The following TRAPPC3L variants were observed in gnomAD, a reference collection of about 807,000 sequenced individuals.
The protein encoded by TRAPPC3L is trafficking protein particle complex subunit 3L, also known as trafficking protein particle complex subunit 3-like protein.
TRAPPC3L carries 23 observed loss-of-function variants against 23.7 expected under a neutral mutation model. The observed-to-expected ratio is 0.97, with a 90% confidence interval of 0.70 to 1.37. The LOEUF is 1.37. TRAPPC3L is among the 40% of genes most tolerant of loss of function. TRAPPC3L has a pLI of 0.00. For synonymous variants in TRAPPC3L, 81 were observed against 77.9 expected, an observed-to-expected ratio of 1.04 and a Z score of -0.21; for missense variants, 212 against 216.8, an observed-to-expected ratio of 0.98 and a Z score of 0.14.
At chr6:116,533,661 T>A (rs574381349) in intron 3 of TRAPPC3L, among the ~76,000 whole-genome samples, 2 of 152,378 alleles carry the variant, frequency 1.3e-5, no homozygotes, top group Admixed American at 1.3e-4. Context: ...TGCTGTTCAA[T>A]GCCCTACTTG....
Position 116,495,889 on chromosome 6 carries a change from T to A in TRAPPC3L, c.*1065A>T, listed in dbSNP as rs956989843. On this transcript the variant is annotated 3_prime_UTR_variant, in exon 5 of 5. Transcript: ENST00000368602. ...GATTATTAATTTTAATTTTTTCCTA[T>A]GGAGTTGGTTGAACTCCTTATATAT... is the stretch of plus-strand genomic sequence containing the variant. The A allele has an allele frequency of 6.6e-6, 1 of 152,240 alleles. No individual in the cohort carries two copies. Among genetic ancestry groups the A allele is most frequent in the Admixed American group, 6.5e-5 (1 of 15,280 alleles). 9.4% of individuals were successfully genotyped at this position (152,240 alleles called of 1,614,324 possible).
At chr6:116,543,432 G>T (rs1205100987) in intron 1 of TRAPPC3L, 32 bp from the exon 2 acceptor site, 2 of 1,502,716 alleles carry the variant, frequency 1.3e-6, no homozygotes, top group African/African-American at 1.4e-5. Context: ...CTGGTTATAG[G>T]CAAGTTATGA....
At chr6:116,539,268 G>C (rs763326759) in intron 3 of TRAPPC3L, among the ~76,000 whole-genome samples, 39 of 151,866 alleles carry the variant, frequency 2.6e-4, no homozygotes, top group Non-Finnish European at 4.3e-4. Flanking sequence ...CTTATATTCT[G>C]ACAATATAAA....
intron 3 of TRAPPC3L, among the ~76,000 whole-genome samples, chr6:116,507,004 AG>A (rs1284640075): frequency 6.6e-6 from 1 of 152,226 alleles, no homozygotes; most frequent in African/African-American, 2.4e-5. Context: ...TAGAACTTAA[AG>A]TATAAAAATA....
chr6:116,528,014 T>A (rs1407014392), intron 3 of TRAPPC3L, among the ~76,000 whole-genome samples: 1 of 152,184 alleles, frequency 6.6e-6, no homozygotes, highest in African/African-American at 2.4e-5. Flanking sequence ...AAAAATGACA[T>A]CTACATGCAG....
At chr6:116,542,479 T>C (rs1487057539) in intron 2 of TRAPPC3L, among the ~76,000 whole-genome samples, 1 of 152,160 alleles carries the variant, frequency 6.6e-6, no homozygotes, top group Non-Finnish European at 1.5e-5. Context: ...TTAGGCTAAA[T>C]TTCCCCTTCA....
At chr6:116,527,025 T>C (rs930758826) in intron 3 of TRAPPC3L, among the ~76,000 whole-genome samples, 5 of 152,058 alleles carry the variant, frequency 3.3e-5, no homozygotes, top group African/African-American at 1.2e-4. Context: ...GTGAAGGATA[T>C]CCTCCCTGTA....
intron 3 of TRAPPC3L, chr6:116,515,985 T>A (rs765921228): frequency 6.3e-7 from 1 of 1,587,440 alleles, no homozygotes; most frequent in East Asian, 2.3e-5. Flanking sequence ...GCCCACAATA[T>A]GTAGCTCATC....
chr6:116,518,406 A>G (rs1562341513), intron 3 of TRAPPC3L: 2 of 152,340 alleles, frequency 1.3e-5, no homozygotes, highest in Non-Finnish European at 2.9e-5. Flanking sequence ...CAATAAAAAA[A>G]GGTTTGTTTT....
Position 116,540,378 on chromosome 6 carries a change from T to C in TRAPPC3L, c.225A>G (p.Ile75Met). 1 of 1,551,150 alleles carries C rather than the reference T, an allele frequency of 6.4e-7. No individual in the cohort carries two copies. Among genetic ancestry groups the C allele is most frequent in the Non-Finnish European group, 8.7e-7 (1 of 1,146,650 alleles). Reference sequence around the variant, plus strand: ...ACATAGTTACCTGGGCAATTATGTCTATAATTTCTGAATAACTATGGCATC... The same window carrying C: ...ACATAGTTACCTGGGCAATTATGTCCATAATTTCTGAATAACTATGGCATC... ...VGRCHSYSEI[I>M]DIIAQVAFKM... The change falls in exon 3 of 5, where the codon ATA becomes ATG. Residue 75 changes from isoleucine (I) to methionine (M), a missense_variant. Ile to Met is a conservative substitution (Grantham distance 10). Coordinates refer to ENST00000368602, the MANE Select transcript of TRAPPC3L (RefSeq NM_001139444.3).
chr6:116,506,968 A>G (rs2115159777), intron 3 of TRAPPC3L, among the ~76,000 whole-genome samples: 1 of 152,340 alleles, frequency 6.6e-6, no homozygotes, highest in East Asian at 1.9e-4. Context: ...CTATGTAACA[A>G]ACCTGCACGT....
intron 4 of TRAPPC3L, among the ~76,000 whole-genome samples, chr6:116,500,035 T>C (rs567666662): frequency 3.9e-4 from 59 of 152,338 alleles, no homozygotes; most frequent in African/African-American, 1.4e-3. Flanking sequence ...CCCTCCTACA[T>C]GGCACCAGGG....
At position 116,541,254 on chromosome 6, in the gene TRAPPC3L, A is replaced by C. The variant is rs187795212; in HGVS notation, c.141-792T>G. On this transcript the variant is annotated intron_variant, in intron 2 of 4. Transcript: ENST00000368602. ...TAGATTTCCCAGAAGGATACAAAGA[A>C]AGGTCAGAATCTCTATCTTATAAGA... Among the ~76,000 whole-genome samples, 470 of 152,328 alleles carry C rather than the reference A, an allele frequency of 3.1e-3. 12 individuals carry two copies. Among genetic ancestry groups the C allele is most frequent in the Admixed American group, 0.023 (346 of 15,294 alleles).
intron 3 of TRAPPC3L, among the ~76,000 whole-genome samples, chr6:116,509,826 G>C (rs1321923832): frequency 6.6e-6 from 1 of 151,950 alleles, no homozygotes; most frequent in African/African-American, 2.4e-5. Flanking sequence ...ATAAATAAAT[G>C]GGACCTAATT....
At chr6:116,512,906 T>G (rs999377149) in intron 3 of TRAPPC3L, among the ~76,000 whole-genome samples, 9 of 152,194 alleles carry the variant, frequency 5.9e-5, no homozygotes, top group Admixed American at 3.9e-4. Flanking sequence ...GGGTTCTTAA[T>G]TACTTCAGAA....
chr6:116,501,175 A>G (rs778328365), intron 3 of TRAPPC3L, among the ~76,000 whole-genome samples: 11 of 152,224 alleles, frequency 7.2e-5, no homozygotes, highest in Non-Finnish European at 1.5e-5. Flanking sequence ...ATCTGCAGGA[A>G]CAGGAGATTC....
chr6:116,541,512 TGGAG>T (rs1328922555), intron 2 of TRAPPC3L, among the ~76,000 whole-genome samples: 1 of 152,132 alleles, frequency 6.6e-6, no homozygotes, highest in Non-Finnish European at 1.5e-5. Flanking sequence ...ACTAGGTGGT[TGGAG>T]GGAGACGGAT....
rs541083660 is a variant in TRAPPC3L at position 116,495,617 on chromosome 6, A to G, written c.*1337T>C. ...ACCGTTCTCCATAGTGGTTATACTA[A>G]TTTACATTCCCACCAACAGTGTACC... is the stretch of plus-strand genomic sequence containing the variant. On this transcript the variant is annotated 3_prime_UTR_variant, in exon 5 of 5. Transcript: ENST00000368602. 6 of 152,236 alleles carry G rather than the reference A, an allele frequency of 3.9e-5. No homozygotes were observed. In the South Asian group the frequency reaches 1.2e-3, roughly 32 times the overall value. 9.4% of individuals were successfully genotyped at this position (152,236 alleles called of 1,614,324 possible).
At chr6:116,503,164 A>G (rs141834793) in intron 3 of TRAPPC3L, among the ~76,000 whole-genome samples, 7 of 152,310 alleles carry the variant, frequency 4.6e-5, no homozygotes, top group African/African-American at 9.6e-5. Flanking sequence ...GCTCAAAATA[A>G]AGAGATGGAG....
Sources: allele counts gnomAD v4.1 joint callset (sites outside exome capture counted in the v4.1 genomes callset), GRCh38; gene constraint gnomAD v4.1.1; transcripts MANE v1.5; gene names NCBI Gene and HGNC (gene_info 2026-07-23, HGNC 2026-07-21).